The following UNC5A variants were observed in gnomAD, a reference collection of about 807,000 sequenced individuals.
The protein encoded by UNC5A is unc-5 netrin receptor A, also known as netrin receptor UNC5A.
UNC5A carries 20 observed loss-of-function variants against 87.4 expected under a neutral mutation model. That is an observed-to-expected ratio of 0.23 (90% CI 0.16 to 0.33). The LOEUF is 0.33. Among genes scored for constraint, UNC5A ranks in the 10% least tolerant of loss-of-function variants. UNC5A has a pLI of 1.00. For missense variants in UNC5A, 844 were observed against 1,133.4 expected, an observed-to-expected ratio of 0.74 and a Z score of 3.67; for synonymous variants, 438 against 482.3, an observed-to-expected ratio of 0.91 and a Z score of 1.20.
At chr5:176,828,604 A>G (rs763618645) in intron 1 of UNC5A, among the ~76,000 whole-genome samples, 6 of 152,228 alleles carry the variant, frequency 3.9e-5, no homozygotes, top group Non-Finnish European at 8.8e-5. Context: ...CTCCAACCTC[A>G]AGTAGCAGCC....
At chr5:176,876,248 C>T (rs1758259331) in intron 8 of UNC5A, among the ~76,000 whole-genome samples, 1 of 152,214 alleles carries the variant, frequency 6.6e-6, no homozygotes, top group South Asian at 2.1e-4. Context: ...CAGCTGGGAC[C>T]GCGGGGCAGT....
chr5:176,872,000 T>C (rs500620), intron 6 of UNC5A, among the ~76,000 whole-genome samples: 21 of 3,516 alleles, frequency 6.0e-3, no homozygotes, highest in South Asian at 0.012. Flanking sequence ...TTCCCATCTG[T>C]CCACACTCAC....
At chr5:176,811,582 C>T (rs977341377) in intron 1 of UNC5A, among the ~76,000 whole-genome samples, 2 of 138,604 alleles carry the variant, frequency 1.4e-5, no homozygotes, top group Non-Finnish European at 3.1e-5. Context: ...TAACTCAGCC[C>T]TCAGCCCACC....
At chr5:176,833,247 C>T (rs941710621) in intron 1 of UNC5A, among the ~76,000 whole-genome samples, 5 of 152,138 alleles carry the variant, frequency 3.3e-5, no homozygotes, top group African/African-American at 4.8e-5. Context: ...GTGATTTAGT[C>T]GCCTAGGTAG....
chr5:176,852,280 C>T (rs1392822488), intron 1 of UNC5A, among the ~76,000 whole-genome samples: 1 of 151,742 alleles, frequency 6.6e-6, no homozygotes, highest in Non-Finnish European at 1.5e-5. Context: ...AACACACATA[C>T]ACCACACAGA....
At position 176,868,261 on chromosome 5, in the gene UNC5A, A is replaced by C. The variant is rs879073769; in HGVS notation, c.424A>C (p.Ile142Leu). The change falls in exon 3 of 15, where the codon ATC becomes CTC. Residue 142 changes from isoleucine (I) to leucine (L), a missense_variant. Transcript: ENST00000329542. ...CACCACCAAGAGTCAGAAGGCCTAC[A>C]TCCGCATAGCCTGTGAGTCTAGGGC... is the stretch of plus-strand genomic sequence containing the variant. Reference protein sequence around the residue: ...SGTTKSQKAYIRIAYLRKNFE... With the variant: ...SGTTKSQKAYLRIAYLRKNFE... The C allele has an allele frequency of 2.5e-6, 4 of 1,613,460 alleles. No homozygotes were observed. The African/African-American group carries it at 4.0e-5, about 16-fold the overall frequency.
At chr5:176,845,795 C>G (rs758798487) in intron 1 of UNC5A, among the ~76,000 whole-genome samples, 3 of 152,218 alleles carry the variant, frequency 2.0e-5, no homozygotes, top group African/African-American at 7.2e-5. Flanking sequence ...ACAGAGAGGG[C>G]CTCCTCAGGG....
At chr5:176,837,651 G>A (rs1450447691) in intron 1 of UNC5A, among the ~76,000 whole-genome samples, 1 of 152,216 alleles carries the variant, frequency 6.6e-6, no homozygotes, top group African/African-American at 2.4e-5. Flanking sequence ...TATGGAGTAT[G>A]CTTTCCCGCC....
chr5:176,857,298 A>G (rs1327235336), intron 1 of UNC5A, among the ~76,000 whole-genome samples: 1 of 152,218 alleles, frequency 6.6e-6, no homozygotes, highest in Non-Finnish European at 1.5e-5. Context: ...CCTGGCACAC[A>G]GCAGGCACTC....
intron 11 of UNC5A, 43 bp from the exon 12 acceptor site, chr5:176,878,201 C>T (rs758287919): frequency 1.9e-5 from 30 of 1,603,230 alleles, no homozygotes; most frequent in Non-Finnish European, 2.3e-5. Context: ...CTGCCTTGGG[C>T]GCAGTGGGGA....
intron 1 of UNC5A, among the ~76,000 whole-genome samples, chr5:176,812,935 C>G (rs113877235): frequency 1.3e-5 from 2 of 152,178 alleles, no homozygotes; most frequent in African/African-American, 2.4e-5. Context: ...CTTTTGCCTC[C>G]GTTGCAACAG....
At chr5:176,858,000 G>A (rs1314167723) in intron 1 of UNC5A, among the ~76,000 whole-genome samples, 1 of 152,260 alleles carries the variant, frequency 6.6e-6, no homozygotes, top group East Asian at 1.9e-4. Context: ...GCAGGCCCAC[G>A]AGCCACTGCA....
chr5:176,814,033 A>G (rs1756531461), intron 1 of UNC5A, among the ~76,000 whole-genome samples: 1 of 151,856 alleles, frequency 6.6e-6, no homozygotes. Context: ...CTCACGCTTC[A>G]CATCTAATAT....
At chr5:176,813,607 G>A (rs1214787650) in intron 1 of UNC5A, among the ~76,000 whole-genome samples, 1 of 152,184 alleles carries the variant, frequency 6.6e-6, no homozygotes, top group African/African-American at 2.4e-5. Context: ...GGGAGGGGGG[G>A]CTTCTCTCAG....
intron 1 of UNC5A, among the ~76,000 whole-genome samples, chr5:176,849,221 A>T (rs1437323463): frequency 6.6e-6 from 1 of 152,242 alleles, no homozygotes; most frequent in African/African-American, 2.4e-5. Flanking sequence ...AAGTGTTTAA[A>T]TTAGTTGTCA....
intron 1 of UNC5A, among the ~76,000 whole-genome samples, chr5:176,816,272 G>A (rs1051116009): frequency 5.9e-5 from 9 of 152,262 alleles, no homozygotes; most frequent in Non-Finnish European, 1.0e-4. Context: ...GGCTGCTGGG[G>A]CAGAGCCAAA....
chr5:176,862,556 G>C, intron 1 of UNC5A, 68 bp from the exon 2 acceptor site: 1 of 1,457,036 alleles, frequency 6.9e-7, no homozygotes, highest in South Asian at 1.2e-5. Context: ...GGAATCGTTT[G>C]CTGAGCCGCT....
At chr5:176,812,141 A>G (rs556555185) in intron 1 of UNC5A, among the ~76,000 whole-genome samples, 7 of 151,936 alleles carry the variant, frequency 4.6e-5, no homozygotes, top group African/African-American at 1.7e-4. Flanking sequence ...AATCCTGACC[A>G]AGCTGAGAGG....
intron 1 of UNC5A, among the ~76,000 whole-genome samples, chr5:176,851,801 G>C (rs1000365929): frequency 2.0e-5 from 3 of 152,228 alleles, no homozygotes; most frequent in African/African-American, 7.2e-5. Context: ...GGGCAACTGT[G>C]GAACAGGTGC....
Sources: allele counts gnomAD v4.1 joint callset (sites outside exome capture counted in the v4.1 genomes callset), GRCh38; gene constraint gnomAD v4.1.1; transcripts MANE v1.5; gene names NCBI Gene and HGNC (gene_info 2026-07-23, HGNC 2026-07-21).